The following ZFHX3 variants were observed in gnomAD, a reference collection of about 807,000 sequenced individuals.
ZFHX3 encodes the protein zinc finger homeobox 3.
A neutral mutation model predicts 279.1 loss-of-function variants in ZFHX3; 42 were observed. The observed-to-expected ratio is 0.15, with a 90% CI of 0.12 to 0.19. ZFHX3 has a LOEUF of 0.19. ZFHX3 is among the 10% of genes least tolerant of loss of function. ZFHX3 has a pLI of 1.00. For missense variants in ZFHX3, 4,981 were observed against 4,754.0 expected (o/e 1.05, Z -1.40); for synonymous variants, 2,293 against 1,957.8 (o/e 1.17, Z -4.52).
chr16:73,067,136 G>A (rs1283640150), intron 8 of ZFHX3, among the ~76,000 whole-genome samples: 1 of 152,158 alleles, frequency 6.6e-6, no homozygotes, highest in Admixed American at 6.5e-5. Flanking sequence ...GGGCCGTCTG[G>A]AGGGGTGCCT....
intron 3 of ZFHX3, among the ~76,000 whole-genome samples, chr16:73,386,188 C>T (rs2016898791): frequency 7.7e-6 from 1 of 129,530 alleles, no homozygotes; most frequent in Non-Finnish European, 1.8e-5. Flanking sequence ...CTGTTTCTCT[C>T]CCACCGTCTC....
chr16:73,650,051 G>A (rs546889652), intron 2 of ZFHX3, among the ~76,000 whole-genome samples: 6 of 152,240 alleles, frequency 3.9e-5, no homozygotes, highest in South Asian at 4.1e-4. Flanking sequence ...TGGTAACCAT[G>A]TCTTGTGAAG....
intron 2 of ZFHX3, among the ~76,000 whole-genome samples, chr16:73,628,580 C>T (rs1479296588): frequency 6.6e-6 from 1 of 152,114 alleles, no homozygotes; most frequent in Non-Finnish European, 1.5e-5. Flanking sequence ...GCCTGCCTTG[C>T]CCATAGTAGA....
intron 4 of ZFHX3, among the ~76,000 whole-genome samples, chr16:72,836,391 A>G (rs1369517905): frequency 2.0e-5 from 3 of 152,176 alleles, no homozygotes; most frequent in African/African-American, 7.2e-5. Flanking sequence ...GTTTTATTCC[A>G]TGGTGTTCTT....
intron 2 of ZFHX3, among the ~76,000 whole-genome samples, chr16:73,520,136 G>A (rs1223692301): frequency 2.6e-5 from 4 of 152,070 alleles, no homozygotes; most frequent in Admixed American, 1.3e-4. Flanking sequence ...GAAAAATGAG[G>A]CCTTCTTTAA....
chr16:73,456,821 T>G (rs557046947), intron 2 of ZFHX3, among the ~76,000 whole-genome samples: 1 of 152,352 alleles, frequency 6.6e-6, no homozygotes, highest in East Asian at 1.9e-4. Context: ...AAGCATCAAC[T>G]ACTGAAAACC....
chr16:73,162,865 G>T (rs1967270867), intron 5 of ZFHX3, among the ~76,000 whole-genome samples: 1 of 152,194 alleles, frequency 6.6e-6, no homozygotes, highest in Admixed American at 6.5e-5. Context: ...TGAAAGAGTT[G>T]TCTCTAAAGA....
chr16:73,562,812 G>A (rs1200603663), intron 2 of ZFHX3, among the ~76,000 whole-genome samples: 1 of 152,078 alleles, frequency 6.6e-6, no homozygotes, highest in African/African-American at 2.4e-5. Flanking sequence ...TATGAAACTG[G>A]TCCTATTTAT....
chr16:73,849,445 T>C (rs988401120), intron 1 of ZFHX3, among the ~76,000 whole-genome samples: 1 of 152,190 alleles, frequency 6.6e-6, no homozygotes, highest in African/African-American at 2.4e-5. Flanking sequence ...CTGGAAGGTA[T>C]GATTTCTATT....
chr16:73,167,399 A>T (rs1056659867), intron 5 of ZFHX3, among the ~76,000 whole-genome samples: 1 of 152,256 alleles, frequency 6.6e-6, no homozygotes, highest in Non-Finnish European at 1.5e-5. Context: ...AACAGTCCAC[A>T]TCCTCAGAGA....
At chr16:73,737,797 T>A (rs746581407) in intron 1 of ZFHX3, among the ~76,000 whole-genome samples, 1 of 152,140 alleles carries the variant, frequency 6.6e-6, no homozygotes, top group Non-Finnish European at 1.5e-5. Context: ...TTTCCTGTGG[T>A]TTTGTTCTTT....
chr16:72,784,977 C>T lies in ZFHX3; in HGVS notation c.*2187G>A, dbSNP rs949364937. The T allele has an allele frequency of 4.6e-5, 7 of 152,644 alleles. No homozygotes were observed. In the East Asian group the frequency reaches 7.7e-4, roughly 17 times the overall value. 9.5% of individuals were successfully genotyped at this position (152,644 alleles called of 1,614,324 possible). A position where few individuals can be genotyped will look rare whatever the true frequency, so the allele number is the denominator to read the frequency against. ...GGAATGCTCCAGTCTTTTGCAAAGT[C>T]GATGAGTGGCTTCAGCACTGGGGAA... On this transcript the variant is annotated 3_prime_UTR_variant, in exon 10 of 10. Coordinates refer to ENST00000268489, the MANE Select transcript of ZFHX3 (RefSeq NM_006885.4).
intron 8 of ZFHX3, chr16:73,092,838 A>G: frequency 8.2e-6 from 4 of 485,696 alleles, no homozygotes; most frequent in Non-Finnish European, 1.6e-5. Flanking sequence ...CAGACGGCTC[A>G]TGCAGACCCG....
Position 73,454,849 on chromosome 16 carries a change from C to T in ZFHX3, c.-1291+1154G>A, listed in dbSNP as rs566154868. On this transcript the variant is annotated intron_variant, in intron 3 of 17. Coordinates refer to the ZFHX3 transcript ENST00000641206. ...TGTTATGCAAATATTCAAGACTTTTCCATCATTTATGATAACAGTGTTGGG... is the reference window on the plus strand; with the variant it reads ...TGTTATGCAAATATTCAAGACTTTTTCATCATTTATGATAACAGTGTTGGG... Among the ~76,000 whole-genome samples the T allele has an allele frequency of 3.0e-4, 46 of 152,046 alleles. No individual in the cohort carries two copies. In the South Asian group the frequency reaches 6.2e-3, roughly 21 times the overall value.
chr16:72,802,716 C>T (rs748454933), intron 7 of ZFHX3, among the ~76,000 whole-genome samples: 1 of 152,184 alleles, frequency 6.6e-6, no homozygotes, highest in Non-Finnish European at 1.5e-5. Flanking sequence ...TGCCTTGCTA[C>T]ACAGGCTACT....
chr16:73,014,515 C>CTTTTTTTTTTTTTTT (rs1567633191), intron 1 of ZFHX3: 2 of 95,344 alleles, frequency 2.1e-5, no homozygotes, highest in African/African-American at 7.8e-5. Flanking sequence ...GTAATTTCTT[C>CTTTTTTTTTTTTTTT]TTCTTTTTTT....
At chr16:73,189,352 G>A (rs1026869106) in intron 5 of ZFHX3, among the ~76,000 whole-genome samples, 7 of 152,154 alleles carry the variant, frequency 4.6e-5, no homozygotes, top group African/African-American at 1.2e-4. Context: ...CACTGGGGTC[G>A]GCAGATGCCA....
At chr16:73,439,909 C>CAAAAAAAAAAGAAA (rs2018057590) in intron 3 of ZFHX3, among the ~76,000 whole-genome samples, 1 of 75,446 alleles carries the variant, frequency 1.3e-5, no homozygotes, top group Non-Finnish European at 2.2e-5. Context: ...GGGAGAGGGA[C>CAAAAAAAAAAGAAA]AAAAAAAAAA....
intron 2 of ZFHX3, among the ~76,000 whole-genome samples, chr16:73,518,611 C>T (rs769909122): frequency 3.3e-5 from 5 of 152,150 alleles, no homozygotes; most frequent in African/African-American, 4.8e-5. Flanking sequence ...TATGCAGACA[C>T]AGGAATTTTA....
Sources: allele counts gnomAD v4.1 joint callset (sites outside exome capture counted in the v4.1 genomes callset), GRCh38; gene constraint gnomAD v4.1.1; transcripts MANE v1.5; gene names NCBI Gene and HGNC (gene_info 2026-07-23, HGNC 2026-07-21).